Variants in SCYL1 observed in about 807,000 individuals in gnomAD.
The protein encoded by SCYL1 is N-terminal kinase-like protein.
Under a neutral mutation model 94.8 loss-of-function variants are expected in SCYL1, and 85 were observed. The ratio of observed to expected loss-of-function variants is 0.90; its 90% CI spans 0.75 to 1.07. The LOEUF (loss-of-function observed/expected upper bound fraction) is 1.07, where lower values mean the gene tolerates loss of function less well. Among genes scored for constraint, SCYL1 ranks in the 50% least tolerant of loss-of-function variants. The probability of loss-of-function intolerance (pLI) is 0.00; values close to 1 mark genes in which losing one functional copy is unlikely to be tolerated. For missense variants in SCYL1, 968 were observed against 1,083.3 expected, an observed-to-expected ratio of 0.89 and a Z score of 1.49; for synonymous variants, 459 against 435.5, an observed-to-expected ratio of 1.05 and a Z score of -0.67.
chr11:65,538,441 G>A lies in SCYL1; in HGVS notation c.2303-1G>A. On this transcript the variant is annotated splice_acceptor_variant, in intron 17 of 17. Coordinates refer to ENST00000270176, the MANE Select transcript of SCYL1 (RefSeq NM_020680.4). LOFTEE classifies it high-confidence loss of function. ...ACCGGGGCTCCCCTTCCTGACGCCA[G>A]GACAGGTCAAGGCTGAGCTGGCCCG... 6.4e-7 allele frequency: 1 copy of A among 1,556,106 alleles called. No homozygotes were observed. The highest frequency in any genetic ancestry group is 8.7e-7 in the Non-Finnish European group (1 of 1,151,706).
At chr11:65,530,281 C>G (rs1209139769) in intron 6 of SCYL1, among the ~76,000 whole-genome samples, 5 of 152,164 alleles carry the variant, frequency 3.3e-5, no homozygotes. Flanking sequence ...GGCCTGATGC[C>G]CTTAGTGATG....
intron 11 of SCYL1, 32 bp downstream of exon 11, chr11:65,536,173 G>A: frequency 6.2e-7 from 1 of 1,606,482 alleles, no homozygotes; most frequent in Non-Finnish European, 8.5e-7. Context: ...GCCCTGGGCT[G>A]GGGCTGTAGG....
intron 7 of SCYL1, 102 bp from the exon 8 acceptor site, chr11:65,531,474 A>C: frequency 2.5e-6 from 2 of 812,552 alleles, no homozygotes; most frequent in Non-Finnish European, 4.2e-6. Flanking sequence ...CTCCGCCATC[A>C]CTTCATTCCC....
intron 1 of SCYL1, 81 bp downstream of exon 1, chr11:65,525,345 C>G (rs1855021152): frequency 8.5e-7 from 1 of 1,171,700 alleles, no homozygotes; most frequent in South Asian, 1.7e-5. Context: ...GCGTTGCGCC[C>G]GGCCTGACGT....
intron 1 of SCYL1, 131 bp from the exon 2 acceptor site, chr11:65,525,443 C>A: frequency 8.3e-7 from 1 of 1,205,034 alleles, no homozygotes; most frequent in Non-Finnish European, 1.1e-6. Flanking sequence ...GACAGGCGGA[C>A]AGGGCCGGGG....
rs760815022 is a variant in SCYL1, at chr11:65,538,139, A to G, written c.2204A>G (p.Lys735Arg). The change falls in exon 16 of 18, where the codon AAG (lysine) becomes AGG (arginine). Residue 735 changes from lysine to arginine, a missense_variant. Around this residue, in one of 2 missense-constraint regions of SCYL1, gnomAD observed 474 missense variants for 463.6 expected, o/e 1.02. Coordinates refer to ENST00000270176, the MANE Select transcript of SCYL1 (RefSeq NM_020680.4). ...TGGGGTGGCCCAGAGTCCAGCGACA[A>G]GGGCGACCCCTTCGCTACCCTGTCT... ...YNWGGPESSD[K>R]GDPFATLSAR... The G allele has an allele frequency of 1.9e-6, 3 of 1,601,278 alleles. No homozygotes were observed. Among genetic ancestry groups the G allele is most frequent in the Admixed American group, 1.7e-5 (1 of 58,168 alleles).
rs1357962172 is a variant in SCYL1 at position 65,537,088 on chromosome 11, C to T, written c.1919C>T (p.Thr640Ile). ...EDKDTAEDSS[T>I]ADRWDDEDWG... ...AAGGACACAGCAGAGGACAGCAGCA[C>T]TGCTGACAGATGGGACGACGAAGAC... Residue 640 changes from threonine (T) to isoleucine (I), a missense_variant, in exon 14 of 18, where the codon ACT (threonine) becomes ATT (isoleucine). This residue lies in a region of SCYL1 where 474 missense variants were observed against 463.6 expected (regional missense o/e 1.02). Transcript: ENST00000270176. 1.9e-6 allele frequency: 3 copies of T among 1,614,180 alleles called. No homozygotes were observed. Among genetic ancestry groups the T allele is most frequent in the Non-Finnish European group, 2.5e-6 (3 of 1,180,008 alleles).
chr11:65,525,615 G>T lies in SCYL1; in HGVS notation c.153G>T (p.Lys51Asn). 2 of 1,612,766 alleles carry T rather than the reference G, an allele frequency of 1.2e-6. No homozygotes were observed. Among genetic ancestry groups the T allele is most frequent in the Non-Finnish European group, 1.7e-6 (2 of 1,179,954 alleles). ...SPVSIFVYDV[K>N]PGAEEQTQVA... The stretch of plus-strand genomic sequence containing the variant: ...TGTCCATCTTCGTCTATGATGTGAA[G>T]CCTGGCGCGGAAGAGCAGACCCAGG... Residue 51 changes from lysine to asparagine, a missense_variant, in exon 2 of 18, where the codon AAG becomes AAT. Physicochemically the swap from Lys to Asn is moderately conservative, Grantham distance 94 (BLOSUM62 0). This residue lies in a region of SCYL1 where 494 missense variants were observed against 619.7 expected (regional missense o/e 0.80). Coordinates refer to ENST00000270176, the MANE Select transcript of SCYL1 (RefSeq NM_020680.4).
chr11:65,528,019 G>A (rs1032873271), intron 6 of SCYL1, among the ~76,000 whole-genome samples: 1 of 152,186 alleles, frequency 6.6e-6, no homozygotes, highest in Non-Finnish European at 1.5e-5. Flanking sequence ...GCTGCAGGGG[G>A]GTGGGCAGCA....
intron 9 of SCYL1, 168 bp downstream of exon 9, chr11:65,532,973 C>T: frequency 1.7e-6 from 1 of 599,756 alleles, no homozygotes. Flanking sequence ...GGGAGCACGT[C>T]CTCCATTCAG....
rs979989570 is a variant in SCYL1 at position 65,537,142 on chromosome 11, AG to A, written c.1959+17del. On this transcript the variant is annotated intron_variant, in intron 14 of 17. Coordinates refer to ENST00000270176, the MANE Select transcript of SCYL1 (RefSeq NM_020680.4). Reference sequence around the variant, plus strand: ...GGCAGCCTGGAGGTGTGTGGGGCTGAGGGAGCCTCCCCAGGGGACCCCAGCT... The same window carrying A: ...GGCAGCCTGGAGGTGTGTGGGGCTGAGGAGCCTCCCCAGGGGACCCCAGCT... 9.9e-6 allele frequency: 16 copies of A among 1,613,750 alleles called. No homozygotes were observed. The highest frequency in any genetic ancestry group is 1.1e-5 in the Non-Finnish European group (13 of 1,179,830).
chr11:65,533,024 G>C (rs766427732), intron 9 of SCYL1: 31 of 538,842 alleles, frequency 5.8e-5, no homozygotes, highest in Non-Finnish European at 9.5e-5. Flanking sequence ...CAAGCCCCAT[G>C]CTGGGAGGCA....
At chr11:65,534,376 C>T (rs1400917085) in intron 9 of SCYL1, among the ~76,000 whole-genome samples, 1 of 152,208 alleles carries the variant, frequency 6.6e-6, no homozygotes, top group Non-Finnish European at 1.5e-5. Flanking sequence ...CACACCACTG[C>T]ACTCCAGCCT....
rs1855005411 is a variant in SCYL1, at chr11:65,525,111, A to ACCCGGAGCTAAGGCG, written c.-38_-24dup. 8.0e-7 allele frequency: 1 copy of ACCCGGAGCTAAGGCG among 1,246,696 alleles called. No individual in the cohort carries two copies. Among genetic ancestry groups the ACCCGGAGCTAAGGCG allele is most frequent in the South Asian group, 2.6e-5 (1 of 38,242 alleles). 77.2% of individuals were successfully genotyped at this position (1,246,696 alleles called of 1,614,324 possible). A position where few individuals can be genotyped will look rare whatever the true frequency, so the allele number is the denominator to read the frequency against. Reference sequence around the variant, plus strand: ...CCGCCCCGGCTCGGGCGGCCGGAGGACCCGGAGCTAAGGCGCCCGAACCCG... The same window carrying ACCCGGAGCTAAGGCG: ...CCGCCCCGGCTCGGGCGGCCGGAGGACCCGGAGCTAAGGCGCCCGGAGCTAAGGCGCCCGAACCCG... On this transcript the variant is annotated 5_prime_UTR_variant, in exon 1 of 18. Coordinates refer to ENST00000270176, the MANE Select transcript of SCYL1 (RefSeq NM_020680.4).
At chr11:65,535,844 C>A in intron 10 of SCYL1, 109 bp from the exon 11 acceptor site, 1 of 1,092,958 alleles carries the variant, frequency 9.1e-7, no homozygotes, top group Non-Finnish European at 1.3e-6. Flanking sequence ...TCATATTTTT[C>A]AGATTCTGGG....
At position 65,525,447 on chromosome 11, in the gene SCYL1, G is replaced by A. The variant is rs577558955; in HGVS notation, c.112-127G>A. ...ACCGAGGGACCGACAGGCGGACAGG[G>A]CCGGGGTCACGTGGGCCCGGCGAAG... On this transcript the variant is annotated intron_variant, in intron 1 of 17. Transcript: ENST00000270176. 16 of 1,248,230 alleles carry A rather than the reference G, an allele frequency of 1.3e-5. No homozygotes were observed. In the East Asian group the frequency reaches 4.3e-4, roughly 34 times the overall value. 77.3% of individuals were successfully genotyped at this position (1,248,230 alleles called of 1,614,324 possible). A position where few individuals can be genotyped will look rare whatever the true frequency, so the allele number is the denominator to read the frequency against.
chr11:65,535,386 A>G lies in SCYL1; in HGVS notation c.1386+4A>G, dbSNP rs1855583486. ...CGGCTCCTACCTCAGTGCTAGCGTG[A>G]GTGTCCTGCACAACTGCTGGAGCCC... On this transcript the variant is annotated splice_donor_region_variant and intron_variant, in intron 10 of 17. Coordinates refer to ENST00000270176, the MANE Select transcript of SCYL1 (RefSeq NM_020680.4). 6.2e-7 allele frequency: 1 copy of G among 1,613,426 alleles called. No homozygotes were observed. The highest frequency in any genetic ancestry group is 1.3e-5 in the African/African-American group (1 of 74,936).
At position 65,535,209 on chromosome 11, in the gene SCYL1, C is replaced by G; in HGVS notation, c.1231-18C>G. 6.2e-7 allele frequency: 1 copy of G among 1,611,302 alleles called. No homozygotes were observed. Among genetic ancestry groups the G allele is most frequent in the Admixed American group, 1.7e-5 (1 of 59,974 alleles). ...TGCCCGCCACAGCCCACAGTTCCCA[C>G]TCATTTCTGCCCCACAGTCCATGCT... On this transcript the variant is annotated intron_variant, in intron 9 of 17. Coordinates refer to ENST00000270176, the MANE Select transcript of SCYL1 (RefSeq NM_020680.4).
rs1258666495 is a variant in SCYL1, at chr11:65,535,153, TGCCAGGA to T, written c.1231-72_1231-66del. 5 of 1,572,106 alleles carry T rather than the reference TGCCAGGA, an allele frequency of 3.2e-6. No homozygotes were observed. In the African/African-American group the frequency reaches 6.7e-5, roughly 21 times the overall value. ...GATGGGTGTGCTCTGGGATGAGGGC[TGCCAGGA>T]GGCTGTTCCTGCACAAGGCCCTTTG... On this transcript the variant is annotated intron_variant, in intron 9 of 17. Transcript: ENST00000270176.
Sources: gnomAD v4.1 joint callset for allele counts (sites outside exome capture counted in the v4.1 genomes callset) on GRCh38, gnomAD v4.1.1 for gene constraint, gnomAD v4.1.1 regional missense constraint, MANE v1.5 for transcripts, NCBI Gene and HGNC (gene_info 2026-07-23, HGNC 2026-07-21) for gene names.